The following CHRM3 variants were observed in gnomAD, a reference collection of about 807,000 sequenced individuals.
CHRM3 encodes cholinergic receptor muscarinic 3.
CHRM3 carries 11 observed loss-of-function variants against 41.8 expected under a neutral mutation model. The observed-to-expected ratio is 0.26, with a 90% CI of 0.17 to 0.44. The LOEUF is 0.44. Ranked by LOEUF, CHRM3 falls within the 20% of genes least tolerant of loss-of-function variation. CHRM3 has a pLI of 1.00. For synonymous variants in CHRM3, 297 were observed against 301.4 expected, an observed-to-expected ratio of 0.99 and a Z score of 0.15; for missense variants, 571 against 745.4, an observed-to-expected ratio of 0.77 and a Z score of 2.72.
chr1:239,750,990 G>A (rs1215760375), intron 5 of CHRM3, among the ~76,000 whole-genome samples: 2 of 152,154 alleles, frequency 1.3e-5, no homozygotes. Flanking sequence ...CACTTTGGGA[G>A]GCCAAGGTGG....
Position 239,611,306 on chromosome 1 carries a change from A to C in CHRM3, c.-312-20918A>C, listed in dbSNP as rs2148750476. Among the ~76,000 whole-genome samples, 3 of 152,234 alleles carry C rather than the reference A, an allele frequency of 2.0e-5. No homozygotes were observed. The East Asian group carries it at 5.8e-4, about 29-fold the overall frequency. On this transcript the variant is annotated intron_variant, in intron 3 of 6. Transcript: ENST00000676153. ...GAGTCCTTCTCGATTATAGTCATTA[A>C]ATGTGATACACTCTGATATGCTCAT...
chr1:239,613,119 A>G (rs1230771638), intron 3 of CHRM3, among the ~76,000 whole-genome samples: 1 of 152,206 alleles, frequency 6.6e-6, no homozygotes, highest in East Asian at 1.9e-4. Flanking sequence ...GATGCCCCTC[A>G]TCATTTTCCA....
At chr1:239,850,596 G>A (rs1052136250) in intron 6 of CHRM3, among the ~76,000 whole-genome samples, 1 of 152,302 alleles carries the variant, frequency 6.6e-6, no homozygotes, top group East Asian at 1.9e-4. Flanking sequence ...ATCTGGCTCT[G>A]TCTCCCCACC....
intron 6 of CHRM3, among the ~76,000 whole-genome samples, chr1:239,862,058 G>C (rs566464075): frequency 6.6e-6 from 1 of 152,302 alleles, no homozygotes; most frequent in South Asian, 2.1e-4. Flanking sequence ...ATATGCTTCA[G>C]ACTACAGCCT....
intron 4 of CHRM3, among the ~76,000 whole-genome samples, chr1:239,672,252 G>C (rs1674446946): frequency 6.6e-6 from 1 of 152,146 alleles, no homozygotes; most frequent in Non-Finnish European, 1.5e-5. Flanking sequence ...AGGCGGCTCT[G>C]TCCTGGGGGC....
At chr1:239,453,500 C>G (rs894060811) in intron 1 of CHRM3, among the ~76,000 whole-genome samples, 2 of 152,168 alleles carry the variant, frequency 1.3e-5, no homozygotes, top group African/African-American at 4.8e-5. Flanking sequence ...CATGACTACA[C>G]CTTTGTACAG....
intron 5 of CHRM3, among the ~76,000 whole-genome samples, chr1:239,731,826 C>A (rs1663993171): frequency 6.6e-6 from 1 of 151,946 alleles, no homozygotes; most frequent in South Asian, 2.1e-4. Flanking sequence ...CTGTTGCCTC[C>A]AGGGTTTGGC....
At chr1:239,857,376 A>G (rs1037246955) in intron 6 of CHRM3, among the ~76,000 whole-genome samples, 22 of 152,178 alleles carry the variant, frequency 1.4e-4, no homozygotes, top group Non-Finnish European at 1.5e-4. Context: ...AGCCTTTCCC[A>G]AGTTAGTTTA....
intron 3 of CHRM3, among the ~76,000 whole-genome samples, chr1:239,615,627 TAA>T (rs1314447594): frequency 1.3e-5 from 2 of 152,184 alleles, no homozygotes; most frequent in African/African-American, 4.8e-5. Context: ...GAAAATATCT[TAA>T]GTGACAAAGA....
At chr1:239,520,528 G>C (rs1669571576) in intron 2 of CHRM3, among the ~76,000 whole-genome samples, 2 of 152,246 alleles carry the variant, frequency 1.3e-5, no homozygotes, top group South Asian at 4.2e-4. Flanking sequence ...CACCATGACT[G>C]AGTGCTTCAT....
chr1:239,602,110 G>GTGTATATATATATA (rs1307023039), intron 3 of CHRM3, among the ~76,000 whole-genome samples: 51 of 112,816 alleles, frequency 4.5e-4, no homozygotes, highest in Admixed American at 8.2e-4. Context: ...GTGTGTGTGT[G>GTGTATATATATATA]TATATATATA....
At chr1:239,459,052 C>A (rs143408407) in intron 1 of CHRM3, among the ~76,000 whole-genome samples, 96 of 152,274 alleles carry the variant, frequency 6.3e-4, no homozygotes, top group African/African-American at 2.1e-3. Flanking sequence ...CCACCATTAA[C>A]TGCTCTTCTC....
At chr1:239,425,396 C>T (rs1471579682) in intron 1 of CHRM3, among the ~76,000 whole-genome samples, 1 of 151,962 alleles carries the variant, frequency 6.6e-6, no homozygotes, top group East Asian at 1.9e-4. Flanking sequence ...CTCAATTTTC[C>T]TTTCTTCTGT....
chr1:239,556,974 A>G (rs1660424203), intron 3 of CHRM3, among the ~76,000 whole-genome samples: 1 of 152,118 alleles, frequency 6.6e-6, no homozygotes, highest in South Asian at 2.1e-4. Flanking sequence ...AAATAAATAA[A>G]ATTTTTTTAA....
intron 1 of CHRM3, among the ~76,000 whole-genome samples, chr1:239,450,145 A>G (rs1664459965): frequency 6.6e-6 from 1 of 152,170 alleles, no homozygotes; most frequent in Admixed American, 6.5e-5. Context: ...CATTTCAAAC[A>G]TTCCTTCTGA....
At chr1:239,830,441 C>T (rs780023732) in intron 6 of CHRM3, among the ~76,000 whole-genome samples, 4 of 152,158 alleles carry the variant, frequency 2.6e-5, no homozygotes, top group Non-Finnish European at 4.4e-5. Flanking sequence ...CAGTGGCTCA[C>T]GCCTGTAATC....
intron 6 of CHRM3, among the ~76,000 whole-genome samples, chr1:239,889,302 G>T (rs1025047616): frequency 2.0e-5 from 3 of 152,150 alleles, no homozygotes; most frequent in African/African-American, 7.2e-5. Context: ...TTGCATAGGG[G>T]TCAATTTCTG....
Position 239,753,817 on chromosome 1 carries a change from CA to C in CHRM3, c.-146-73434del, listed in dbSNP as rs1426354639. On this transcript the variant is annotated intron_variant, in intron 5 of 6. Transcript: ENST00000676153. ...ATGACCATAGTTGATACACAGACAA[CA>C]GTGGATATTTCCTAAGAGAATTTTT... is the stretch of plus-strand genomic sequence containing the variant. Among the ~76,000 whole-genome samples the C allele has an allele frequency of 8.5e-5, 13 of 152,276 alleles. No homozygotes were observed. In the East Asian group the frequency reaches 2.5e-3, roughly 29 times the overall value.
chr1:239,746,086 A>G (rs1241610056), intron 5 of CHRM3, among the ~76,000 whole-genome samples: 3 of 152,224 alleles, frequency 2.0e-5, no homozygotes, highest in African/African-American at 7.2e-5. Flanking sequence ...AATGCCCTTG[A>G]GTTTTCTATC....
Sources: gnomAD v4.1 joint callset for allele counts (sites outside exome capture counted in the v4.1 genomes callset) on GRCh38, gnomAD v4.1.1 for gene constraint, MANE v1.5 for transcripts, NCBI Gene and HGNC (gene_info 2026-07-23, HGNC 2026-07-21) for gene names.